The following SMAD4 variants were observed in gnomAD, a reference collection of about 807,000 sequenced individuals.
SMAD4 encodes SMAD family member 4, also known as MAD homolog 4.
Under a neutral mutation model 63.2 loss-of-function variants are expected in SMAD4, and 7 were observed. That is an observed-to-expected ratio of 0.11 (90% confidence interval 0.06 to 0.21). The LOEUF (loss-of-function observed/expected upper bound fraction) is 0.21, where lower values mean the gene tolerates loss of function less well. Ranked by LOEUF, SMAD4 falls within the 10% of genes least tolerant of loss-of-function variation. The pLI is 1.00. For missense variants in SMAD4, 312 were observed against 693.8 expected, an observed-to-expected ratio of 0.45 and a Z score of 6.18; for synonymous variants, 215 against 235.4, an observed-to-expected ratio of 0.91 and a Z score of 0.79.
Position 51,081,718 on chromosome 18 carries a change from G to A in SMAD4, c.*3251G>A. 4.3e-6 allele frequency: 1 copy of A among 232,698 alleles called. No homozygotes were observed. The allele number at this position is 232,698 out of a possible 1,614,324, so 14.4% of individuals were successfully genotyped here. A position where few individuals can be genotyped will look rare whatever the true frequency, so the allele number is the denominator to read the frequency against. On this transcript the variant is annotated 3_prime_UTR_variant, in exon 12 of 12. Coordinates refer to ENST00000342988, the MANE Select transcript of SMAD4 (RefSeq NM_005359.6). ...GGGGTGTTTGTAATACAAGTTGAAG[G>A]CAAAATAAAATGTCCTGTCTCCCAG...
At chr18:51,045,480 T>A (rs1225633824) in intron 1 of SMAD4, among the ~76,000 whole-genome samples, 2 of 152,242 alleles carry the variant, frequency 1.3e-5, no homozygotes, top group Admixed American at 1.3e-4. Context: ...TGTGGGGTCT[T>A]GGGATCAGAT....
intron 1 of SMAD4, among the ~76,000 whole-genome samples, chr18:51,033,032 G>A (rs923500171): frequency 6.6e-5 from 10 of 151,968 alleles, no homozygotes; most frequent in Non-Finnish European, 1.2e-4. Flanking sequence ...TGAACTAGAA[G>A]ACTGTGTGGT....
At chr18:51,040,596 A>G (rs1384810100) in intron 1 of SMAD4, among the ~76,000 whole-genome samples, 2 of 152,194 alleles carry the variant, frequency 1.3e-5, no homozygotes, top group Non-Finnish European at 2.9e-5. Flanking sequence ...CTTACCTAAA[A>G]TACATGAATT....
In SMAD4 at chr18:51,063,220, A is replaced by G. The variant is rs1453044468; in HGVS notation, c.956-2203A>G. Among the ~76,000 whole-genome samples, 4 of 152,000 alleles carry G rather than the reference A, an allele frequency of 2.6e-5. No individual in the cohort carries two copies. The East Asian group carries it at 5.8e-4, about 22-fold the overall frequency. ...AATTTAACATTTGGACTGATTGTGT[A>G]AAGACCACTTTTAAGTGTTGTTACT... On this transcript the variant is annotated intron_variant, in intron 8 of 11. Coordinates refer to ENST00000342988, the MANE Select transcript of SMAD4 (RefSeq NM_005359.6).
intron 1 of SMAD4, among the ~76,000 whole-genome samples, chr18:51,044,417 GGTCTCACTGT>G (rs935464172): frequency 6.6e-6 from 1 of 151,188 alleles, no homozygotes; most frequent in African/African-American, 2.4e-5. Context: ...TTTGAGATAG[GGTCTCACTGT>G]GTCACCCAGG....
intron 10 of SMAD4, among the ~76,000 whole-genome samples, chr18:51,073,537 A>T (rs544201922): frequency 1.3e-5 from 2 of 151,296 alleles, no homozygotes; most frequent in Admixed American, 1.3e-4. Flanking sequence ...AAAAAGTGAG[A>T]ACTTTTTTTT....
chr18:51,049,651 GT>G, intron 4 of SMAD4: 1 of 288,506 alleles, frequency 3.5e-6, no homozygotes, highest in Non-Finnish European at 6.5e-6. Flanking sequence ...CACAGAGCCA[GT>G]TTAAATGGAT....
At chr18:51,060,920 T>C (rs1432707387) in intron 8 of SMAD4, among the ~76,000 whole-genome samples, 1 of 152,008 alleles carries the variant, frequency 6.6e-6, no homozygotes, top group Non-Finnish European at 1.5e-5. Context: ...TTTATTTTTT[T>C]CCGAGATGGG....
intron 8 of SMAD4, among the ~76,000 whole-genome samples, chr18:51,064,545 AG>A (rs1910099514): frequency 6.6e-6 from 1 of 152,286 alleles, no homozygotes; most frequent in Admixed American, 6.5e-5. Flanking sequence ...GAGTTAAAAC[AG>A]GAAAGCCAAA....
chr18:51,060,661 C>A (rs1422832892), intron 8 of SMAD4, among the ~76,000 whole-genome samples: 1 of 151,966 alleles, frequency 6.6e-6, no homozygotes, highest in African/African-American at 2.4e-5. Flanking sequence ...TGAGAGAGGG[C>A]CTGGCTCTGT....
intron 10 of SMAD4, among the ~76,000 whole-genome samples, chr18:51,073,616 C>T (rs754834260): frequency 7.2e-5 from 11 of 151,764 alleles, no homozygotes; most frequent in East Asian, 1.9e-4. Flanking sequence ...CTGCAACCTC[C>T]GCCTCCTGGG....
At chr18:51,073,392 C>G (rs35752513) in intron 10 of SMAD4, among the ~76,000 whole-genome samples, 3 of 28,604 alleles carry the variant, frequency 1.0e-4, no homozygotes, top group African/African-American at 1.4e-4. Context: ...TATATATACA[C>G]ACACACACAC....
rs1388000166 is a variant in SMAD4 at position 51,084,631 on chromosome 18, T to G, written c.*6164T>G. 4.3e-6 allele frequency: 1 copy of G among 230,020 alleles called. No homozygotes were observed. Among genetic ancestry groups the G allele is most frequent in the East Asian group, 6.2e-5 (1 of 16,246 alleles). 14.2% of individuals were successfully genotyped at this position (230,020 alleles called of 1,614,324 possible). ...AGAAGGACTCACGGGCTTGGATTGATTAAGACTAAACATGGAGTTGGCAAA... is the reference window on the plus strand; with the variant it reads ...AGAAGGACTCACGGGCTTGGATTGAGTAAGACTAAACATGGAGTTGGCAAA... On this transcript the variant is annotated 3_prime_UTR_variant, in exon 12 of 12. Coordinates refer to ENST00000342988, the MANE Select transcript of SMAD4 (RefSeq NM_005359.6).
At chr18:51,061,388 C>CTACT (rs1910009008) in intron 8 of SMAD4, among the ~76,000 whole-genome samples, 2 of 152,178 alleles carry the variant, frequency 1.3e-5, no homozygotes, top group Admixed American at 6.5e-5. Context: ...AACCATCCTT[C>CTACT]TACTCTCTGT....
chr18:51,047,320 T>C (rs1444554750), intron 2 of SMAD4, 25 bp downstream of exon 2: 3 of 1,606,926 alleles, frequency 1.9e-6, no homozygotes, highest in Non-Finnish European at 2.6e-6. Context: ...AGTTTTTCTA[T>C]ACCCTCTATG....
At chr18:51,052,811 T>C in intron 4 of SMAD4, 1 of 183,700 alleles carries the variant, frequency 5.4e-6, no homozygotes, top group Non-Finnish European at 1.2e-5. Flanking sequence ...ACAAAACGTA[T>C]ACTATGCATA....
chr18:51,046,579 A>G (rs766735808), intron 1 of SMAD4, among the ~76,000 whole-genome samples: 1 of 152,076 alleles, frequency 6.6e-6, no homozygotes, highest in Non-Finnish European at 1.5e-5. Flanking sequence ...CTCATAAGTA[A>G]TCCTTTAAAA....
rs2144428824 is a variant in SMAD4 at position 51,058,385 on chromosome 18, C to T, written c.833C>T (p.Pro278Leu). 1 of 1,614,154 alleles carries T rather than the reference C, an allele frequency of 6.2e-7. No individual in the cohort carries two copies. The highest frequency in any genetic ancestry group is 2.2e-5 in the East Asian group (1 of 44,890). The change falls in exon 7 of 12, where the codon CCT (proline) becomes CTT (leucine). Residue 278 changes from proline to leucine, a missense_variant. By Grantham distance (98) the Pro-to-Leu change is moderately conservative. Transcript: ENST00000342988. ...WTGSRTAPYT[P>L]NLPHHQNGHL... ...GGAAGTAGGACTGCACCATACACAC[C>T]TAATTTGCCTCACCACCAAAACGGC...
Position 51,058,136 on chromosome 18 carries a change from A to G in SMAD4, c.679A>G (p.Ser227Gly), listed in dbSNP as rs1443767329. 1.2e-6 allele frequency: 2 copies of G among 1,614,042 alleles called. No individual in the cohort carries two copies. Among genetic ancestry groups the G allele is most frequent in the Non-Finnish European group, 1.7e-6 (2 of 1,180,002 alleles). Reference protein sequence around the residue: ...IPVASTSQPASILGGSHSEGL... With the variant: ...IPVASTSQPAGILGGSHSEGL... ...TCTTGTTCCTCTAGGTCAGCCTGCCAGTATACTGGGGGGCAGCCATAGTGA... is the reference window on the plus strand; with the variant it reads ...TCTTGTTCCTCTAGGTCAGCCTGCCGGTATACTGGGGGGCAGCCATAGTGA... Residue 227 changes from serine (S) to glycine (G), a missense_variant, in exon 6 of 12, where the codon AGT becomes GGT. By Grantham distance (56) the Ser-to-Gly change is moderately conservative. Coordinates refer to ENST00000342988, the MANE Select transcript of SMAD4 (RefSeq NM_005359.6).
Sources: gnomAD v4.1 joint callset for allele counts (sites outside exome capture counted in the v4.1 genomes callset) on GRCh38, gnomAD v4.1.1 for gene constraint, MANE v1.5 for transcripts, NCBI Gene and HGNC (gene_info 2026-07-23, HGNC 2026-07-21) for gene names.